CARMIL1: variants seen among roughly 807,000 people sequenced by gnomAD.
CARMIL1 encodes F-actin-uncapping protein LRRC16A.
Under a neutral mutation model 177.1 loss-of-function variants are expected in CARMIL1, and 90 were observed. The observed-to-expected ratio is 0.51, with a 90% CI of 0.43 to 0.61. The LOEUF (loss-of-function observed/expected upper bound fraction) is 0.61. Among genes scored for constraint, CARMIL1 ranks in the 20% least tolerant of loss-of-function variants. CARMIL1 has a pLI of 0.00. For synonymous variants in CARMIL1, 577 were observed against 606.2 expected (o/e 0.95, Z 0.71); for missense variants, 1,380 against 1,667.0 (o/e 0.83, Z 3.00).
intron 23 of CARMIL1, among the ~76,000 whole-genome samples, chr6:25,524,063 T>C (rs184896331): frequency 3.6e-4 from 55 of 152,244 alleles, no homozygotes; most frequent in Middle Eastern, 3.4e-3. Flanking sequence ...TTTTGAAATA[T>C]ACTCAGAGCA....
At chr6:25,538,622 G>C (rs1257375033) in intron 25 of CARMIL1, among the ~76,000 whole-genome samples, 1 of 152,144 alleles carries the variant, frequency 6.6e-6, no homozygotes, top group Non-Finnish European at 1.5e-5. Flanking sequence ...CTTTGTCCCT[G>C]GTTCCTGAAC....
chr6:25,498,483 T>G (rs1331664088), intron 16 of CARMIL1, among the ~76,000 whole-genome samples: 1 of 152,212 alleles, frequency 6.6e-6, no homozygotes, highest in Non-Finnish European at 1.5e-5. Flanking sequence ...TCCTAATCAT[T>G]GGGCTTCTAT....
At position 25,343,263 on chromosome 6, in the gene CARMIL1, C is replaced by G. The variant is rs534631656; in HGVS notation, c.138+58354C>G. 2.7e-5 allele frequency among the ~76,000 whole-genome samples: 4 copies of G among 150,590 alleles called. No homozygotes were observed. The East Asian group carries it at 7.8e-4, about 29-fold the overall frequency. ...AGAGAGGATTTAAATTTATTTTGCA[C>G]ATAGAGGATTGAACGTAATTACTCA... On this transcript the variant is annotated intron_variant, in intron 2 of 36. Transcript: ENST00000329474.
At chr6:25,525,145 C>T (rs1257254929) in intron 23 of CARMIL1, among the ~76,000 whole-genome samples, 1 of 152,030 alleles carries the variant, frequency 6.6e-6, no homozygotes, top group Non-Finnish European at 1.5e-5. Flanking sequence ...GACCACCAAG[C>T]AGGATAAATA....
intron 2 of CARMIL1, among the ~76,000 whole-genome samples, chr6:25,291,816 A>C (rs1001717906): frequency 6.6e-6 from 1 of 152,202 alleles, no homozygotes; most frequent in Admixed American, 6.5e-5. Flanking sequence ...CTCTGGTTGC[A>C]TGGAATAGAG....
chr6:25,357,076 G>GTT (rs35891455), intron 2 of CARMIL1, among the ~76,000 whole-genome samples: 61 of 131,134 alleles, frequency 4.7e-4, no homozygotes, highest in South Asian at 1.2e-3. Flanking sequence ...AAGTCATTGT[G>GTT]TTTTTTTTTT....
chr6:25,399,323 C>T (rs1581806067), intron 2 of CARMIL1, among the ~76,000 whole-genome samples: 1 of 152,204 alleles, frequency 6.6e-6, no homozygotes, highest in Non-Finnish European at 1.5e-5. Flanking sequence ...ATGTGGTTGT[C>T]TACCTGCCCA....
At chr6:25,524,615 G>A (rs1057067714) in intron 23 of CARMIL1, among the ~76,000 whole-genome samples, 1 of 152,158 alleles carries the variant, frequency 6.6e-6, no homozygotes, top group Non-Finnish European at 1.5e-5. Context: ...AACAAACACA[G>A]TGTGAAAGAG....
intron 29 of CARMIL1, among the ~76,000 whole-genome samples, chr6:25,569,129 G>C (rs1811837156): frequency 6.6e-6 from 1 of 152,198 alleles, no homozygotes; most frequent in African/African-American, 2.4e-5. Flanking sequence ...AGGTAGAATA[G>C]AGTGTATGAA....
chr6:25,420,164 G>A lies in CARMIL1; in HGVS notation c.189G>A (p.Lys63=). 1 of 1,613,346 alleles carries A rather than the reference G, an allele frequency of 6.2e-7. No homozygotes were observed. The highest frequency in any genetic ancestry group is 8.5e-7 in the Non-Finnish European group (1 of 1,179,438). Residue 63 remains lysine (K), a splice_region_variant and synonymous_variant, in exon 3 of 37, where the codon AAG becomes AAA. Transcript: ENST00000329474. ...AFLVTARIPT[K]LELTFSYLEI... is the part of the protein sequence containing the mutation. ...TTGTAACAGCGCGAATCCCCACCAA[G>A]GTAAGTGTTGATGAAGTCCTTCCTT...
chr6:25,411,119 T>A (rs1294306194), intron 2 of CARMIL1, among the ~76,000 whole-genome samples: 2 of 152,208 alleles, frequency 1.3e-5, no homozygotes, highest in South Asian at 4.1e-4. Context: ...TGTGACTCTA[T>A]TACTTGTGAA....
At chr6:25,423,866 A>G (rs962816494) in intron 3 of CARMIL1, among the ~76,000 whole-genome samples, 13 of 152,180 alleles carry the variant, frequency 8.5e-5, no homozygotes, top group Admixed American at 2.6e-4. Context: ...CATGCAGCCT[A>G]CATCTGCCTC....
chr6:25,290,482 G>T (rs990855281), intron 2 of CARMIL1, among the ~76,000 whole-genome samples: 9 of 151,236 alleles, frequency 6.0e-5, no homozygotes, highest in Admixed American at 1.3e-4. Flanking sequence ...TGCCTGTTTG[G>T]GGGAGAGGAA....
At chr6:25,400,747 G>T (rs1033431962) in intron 2 of CARMIL1, among the ~76,000 whole-genome samples, 1 of 152,186 alleles carries the variant, frequency 6.6e-6, no homozygotes, top group Non-Finnish European at 1.5e-5. Context: ...CTTAGGGAAG[G>T]TAACTGATAG....
chr6:25,314,972 T>C (rs1480442376), intron 2 of CARMIL1, among the ~76,000 whole-genome samples: 2 of 152,208 alleles, frequency 1.3e-5, no homozygotes, highest in Non-Finnish European at 2.9e-5. Context: ...GTCACTGCTT[T>C]GTGAGAAAGC....
At chr6:25,336,566 T>C (rs1301687573) in intron 2 of CARMIL1, among the ~76,000 whole-genome samples, 1 of 152,228 alleles carries the variant, frequency 6.6e-6, no homozygotes, top group African/African-American at 2.4e-5. Context: ...AAGGTTGTTT[T>C]AGGGTTAAAT....
At chr6:25,618,968 G>A (rs1334799059) in intron 36 of CARMIL1, among the ~76,000 whole-genome samples, 1 of 152,192 alleles carries the variant, frequency 6.6e-6, no homozygotes, top group Non-Finnish European at 1.5e-5. Flanking sequence ...CCACAAGCAG[G>A]AATGACAAGC....
At chr6:25,401,866 C>G (rs1793907153) in intron 2 of CARMIL1, among the ~76,000 whole-genome samples, 1 of 152,090 alleles carries the variant, frequency 6.6e-6, no homozygotes. Flanking sequence ...GTTGTTGGGA[C>G]ATGTGGAAGG....
intron 3 of CARMIL1, 35 bp downstream of exon 3, chr6:25,420,199 C>A (rs1254291414): frequency 2.5e-6 from 4 of 1,599,786 alleles, no homozygotes; most frequent in Non-Finnish European, 8.6e-7. Flanking sequence ...TCTGCACTCA[C>A]ACTCACTCAT....
Sources: gnomAD v4.1 joint callset for allele counts (sites outside exome capture counted in the v4.1 genomes callset) on GRCh38, gnomAD v4.1.1 for gene constraint, MANE v1.5 for transcripts, NCBI Gene and HGNC (gene_info 2026-07-23, HGNC 2026-07-21) for gene names.